MEF2C: variants seen among roughly 807,000 people sequenced by gnomAD.
MEF2C encodes the protein myocyte enhancer factor 2C, also known as myocyte-specific enhancer factor 2C.
A neutral mutation model predicts 50.5 loss-of-function variants in MEF2C; 6 were observed. The observed-to-expected ratio is 0.12, with a 90% CI of 0.07 to 0.23. The LOEUF (loss-of-function observed/expected upper bound fraction) is 0.23, where lower values mean the gene tolerates loss of function less well. Among genes scored for constraint, MEF2C ranks in the 10% least tolerant of loss-of-function variants. The probability of loss-of-function intolerance (pLI) is 1.00; values close to 1 mark genes in which losing one functional copy is unlikely to be tolerated. For missense variants in MEF2C, 276 were observed against 605.0 expected (o/e 0.46, Z 5.70); for synonymous variants, 183 against 228.0 (o/e 0.80, Z 1.78).
intron 1 of MEF2C, among the ~76,000 whole-genome samples, chr5:88,862,241 A>T (rs1030074603): frequency 1.3e-5 from 2 of 152,294 alleles, no homozygotes; most frequent in Middle Eastern, 3.4e-3. Flanking sequence ...ATCTTTTTCT[A>T]TAGAATTTGT....
intron 2 of MEF2C, among the ~76,000 whole-genome samples, chr5:88,806,755 T>C (rs1253950428): frequency 6.6e-6 from 1 of 152,194 alleles, no homozygotes; most frequent in Non-Finnish European, 1.5e-5. Flanking sequence ...ATGCAAAATA[T>C]ATTTTGTATA....
intron 1 of MEF2C, among the ~76,000 whole-genome samples, chr5:88,826,435 T>C (rs1210675143): frequency 6.6e-6 from 1 of 151,926 alleles, no homozygotes; most frequent in Non-Finnish European, 1.5e-5. Flanking sequence ...TAATATGTGG[T>C]GATGATGACA....
At chr5:88,804,555 C>G (rs1452487125) in intron 3 of MEF2C, 43 bp downstream of exon 3, 1 of 1,599,654 alleles carries the variant, frequency 6.3e-7, no homozygotes, top group East Asian at 2.2e-5. Context: ...TCCAAACTCC[C>G]CTGCTTGCGG....
chr5:88,838,605 C>T (rs1816089844), intron 1 of MEF2C: 1 of 985,072 alleles, frequency 1.0e-6, no homozygotes, highest in South Asian at 4.7e-5. Context: ...ATATCTCATC[C>T]CCAAAGCTTG....
intron 1 of MEF2C, among the ~76,000 whole-genome samples, chr5:88,856,745 C>T (rs975764937): frequency 6.6e-6 from 1 of 152,242 alleles, no homozygotes; most frequent in Non-Finnish European, 1.5e-5. Context: ...TATGGGTACA[C>T]AGAAGTCAGG....
intron 1 of MEF2C, among the ~76,000 whole-genome samples, chr5:88,856,386 C>T (rs1341035335): frequency 6.6e-6 from 1 of 152,170 alleles, no homozygotes; most frequent in Non-Finnish European, 1.5e-5. Context: ...AATTTGCAGT[C>T]TGACAATGAG....
At chr5:88,739,435 A>G (rs919342723) in intron 6 of MEF2C, 6 of 957,100 alleles carry the variant, frequency 6.3e-6, no homozygotes, top group Non-Finnish European at 7.5e-6. Context: ...ATCATCAATT[A>G]ATTTTATATT....
chr5:88,873,343 G>C (rs1484506322), intron 1 of MEF2C, among the ~76,000 whole-genome samples: 3 of 152,074 alleles, frequency 2.0e-5, no homozygotes, highest in Non-Finnish European at 4.4e-5. Flanking sequence ...TCAAGTGTAA[G>C]GAGGTAAGTT....
upstream of MEF2C, among the ~76,000 whole-genome samples, chr5:88,886,297 T>C (rs1023109254): frequency 6.6e-6 from 1 of 152,246 alleles, no homozygotes; most frequent in Non-Finnish European, 1.5e-5. Context: ...TAAATACTTC[T>C]GGACTTTTGG....
At chr5:88,855,750 T>C (rs1208295494) in intron 1 of MEF2C, among the ~76,000 whole-genome samples, 1 of 152,220 alleles carries the variant, frequency 6.6e-6, no homozygotes, top group Non-Finnish European at 1.5e-5. Context: ...AGGTGCCTTC[T>C]GCCATGATTG....
chr5:88,741,616 A>C (rs1429835681), intron 6 of MEF2C: 1 of 981,424 alleles, frequency 1.0e-6, no homozygotes, highest in African/African-American at 1.7e-5. Flanking sequence ...ATGTTTGAAT[A>C]TGTAAACTGG....
chr5:88,734,433 G>C (rs1762994617), intron 6 of MEF2C: 2 of 985,190 alleles, frequency 2.0e-6, no homozygotes, highest in Admixed American at 6.2e-5. Context: ...TGCCGATACT[G>C]GTTTGCATGG....
chr5:88,901,035 A>G (rs954732610), intron 1 of MEF2C, among the ~76,000 whole-genome samples: 1 of 152,080 alleles, frequency 6.6e-6, no homozygotes, highest in Non-Finnish European at 1.5e-5. Context: ...ACAGACTTGT[A>G]ACATATTCTG....
At chr5:88,849,150 C>CAAAAA (rs11295110) in intron 1 of MEF2C, among the ~76,000 whole-genome samples, 3 of 92,266 alleles carry the variant, frequency 3.3e-5, no homozygotes, top group Non-Finnish European at 2.2e-5. Context: ...GACTTTGTCT[C>CAAAAA]AAAAAAAAAA....
chr5:88,720,682 T>C lies in MEF2C; in HGVS notation c.*1922A>G, dbSNP rs1756029972. The C allele has an allele frequency of 6.6e-6, 1 of 152,602 alleles. No individual in the cohort carries two copies. Among genetic ancestry groups the C allele is most frequent in the Non-Finnish European group, 1.5e-5 (1 of 68,004 alleles). The allele number at this position is 152,602 out of a possible 1,614,324, so 9.5% of individuals were successfully genotyped here. On this transcript the variant is annotated 3_prime_UTR_variant, in exon 11 of 11. Coordinates refer to ENST00000504921, the MANE Select transcript of MEF2C (RefSeq NM_002397.5). ...ATTCCAAGAGAAGGAAAATCTTTCC[T>C]AGACTGAAATATCTTTTAAACAATA...
At chr5:88,735,735 T>C (rs1581473375) in intron 6 of MEF2C, 1 of 985,288 alleles carries the variant, frequency 1.0e-6, no homozygotes, top group Admixed American at 6.2e-5. Context: ...AAACACTTGC[T>C]GCATTTTTTT....
At chr5:88,726,125 T>G (rs1314608768) in intron 10 of MEF2C, among the ~76,000 whole-genome samples, 3 of 152,120 alleles carry the variant, frequency 2.0e-5, no homozygotes, top group Non-Finnish European at 4.4e-5. Flanking sequence ...TTTTTTTCCA[T>G]GGACAAAATA....
Position 88,748,751 on chromosome 5 carries a change from C to A in MEF2C, c.637+319G>T, listed in dbSNP as rs377217400. The stretch of plus-strand genomic sequence containing the variant: ...AATGTGAAATGATTAACAGAGAACA[C>A]AAAAAGTATGGTTTGCTAAAGGTAC... On this transcript the variant is annotated intron_variant, in intron 6 of 10. Coordinates refer to ENST00000504921, the MANE Select transcript of MEF2C (RefSeq NM_002397.5). The A allele has an allele frequency of 8.1e-6, 8 of 984,014 alleles. No homozygotes were observed. The East Asian group carries it at 5.7e-4, about 70-fold the overall frequency. 61.0% of individuals were successfully genotyped at this position (984,014 alleles called of 1,614,324 possible). A position where few individuals can be genotyped will look rare whatever the true frequency, so the allele number is the denominator to read the frequency against.
At chr5:88,890,324 A>C (rs1358159998) in intron 1 of MEF2C, among the ~76,000 whole-genome samples, 1 of 152,332 alleles carries the variant, frequency 6.6e-6, no homozygotes, top group Admixed American at 6.5e-5. Context: ...GGGATGTCTT[A>C]CAAAAATGCT....
Sources: gnomAD v4.1 joint callset for allele counts (sites outside exome capture counted in the v4.1 genomes callset) on GRCh38, gnomAD v4.1.1 for gene constraint, MANE v1.5 for transcripts, NCBI Gene and HGNC (gene_info 2026-07-23, HGNC 2026-07-21) for gene names.